CERS3: variants seen among roughly 807,000 people sequenced by gnomAD.
CERS3 encodes LAG1 homolog, ceramide synthase 3.
A neutral mutation model predicts 50.3 loss-of-function variants in CERS3; 33 were observed. The observed-to-expected ratio is 0.66, with a 90% CI of 0.50 to 0.88. The LOEUF (loss-of-function observed/expected upper bound fraction) is 0.88, where lower values mean the gene tolerates loss of function less well. CERS3 is among the 40% of genes least tolerant of loss of function. The pLI is 0.00. For missense variants in CERS3, 470 were observed against 460.3 expected, an observed-to-expected ratio of 1.02 and a Z score of -0.19; for synonymous variants, 176 against 155.2, an observed-to-expected ratio of 1.13 and a Z score of -0.99.
intron 2 of CERS3, among the ~76,000 whole-genome samples, chr15:100,518,636 C>T (rs1443824020): frequency 6.6e-6 from 1 of 152,176 alleles, no homozygotes; most frequent in African/African-American, 2.4e-5. Flanking sequence ...ATCTCTCTGC[C>T]TATTAGTGAA....
intron 2 of CERS3, among the ~76,000 whole-genome samples, chr15:100,512,085 G>T (rs577781395): frequency 1.3e-5 from 2 of 150,880 alleles, no homozygotes; most frequent in African/African-American, 4.9e-5. Context: ...TGGGAGCCTG[G>T]GTTTCCATTA....
At chr15:100,467,837 G>GTATATATATA (rs1224034259) in intron 10 of CERS3, among the ~76,000 whole-genome samples, 7 of 56,386 alleles carry the variant, frequency 1.2e-4, no homozygotes, top group African/African-American at 2.8e-4. Flanking sequence ...ATATATACGT[G>GTATATATATA]TATATATATA....
At chr15:100,543,820 G>A (rs917846891) in intron 1 of CERS3, among the ~76,000 whole-genome samples, 6 of 152,110 alleles carry the variant, frequency 3.9e-5, no homozygotes, top group Admixed American at 6.6e-5. Context: ...GTGTGCCACC[G>A]CACGTGGCTG....
chr15:100,480,151 T>G, intron 5 of CERS3, 105 bp from the exon 6 acceptor site: 1 of 819,748 alleles, frequency 1.2e-6, no homozygotes, highest in Non-Finnish European at 2.0e-6. Flanking sequence ...CATTCTGGAG[T>G]CAGACAAATC....
chr15:100,432,187 C>T (rs907407164), intron 11 of CERS3, among the ~76,000 whole-genome samples: 1 of 152,018 alleles, frequency 6.6e-6, no homozygotes, highest in Non-Finnish European at 1.5e-5. Flanking sequence ...CCTGCCTCAG[C>T]CTCCCAAACA....
At chr15:100,447,077 A>G (rs1357148661) in intron 11 of CERS3, among the ~76,000 whole-genome samples, 1 of 152,344 alleles carries the variant, frequency 6.6e-6, no homozygotes, top group East Asian at 1.9e-4. Context: ...TTGTGGAGCA[A>G]ACCTACATTT....
intron 11 of CERS3, among the ~76,000 whole-genome samples, chr15:100,434,087 T>C (rs1467635398): frequency 6.6e-6 from 1 of 152,228 alleles, no homozygotes; most frequent in African/African-American, 2.4e-5. Flanking sequence ...TCTAGATGAC[T>C]CAGCAGAGTC....
chr15:100,445,049 C>T (rs189536337), intron 11 of CERS3, among the ~76,000 whole-genome samples: 2,551 of 151,816 alleles, frequency 0.017, 32 homozygotes, highest in East Asian at 0.034. Flanking sequence ...CCTCACCAAG[C>T]TCAGCCACCA....
chr15:100,442,815 T>TTTG (rs1567618682), intron 11 of CERS3, among the ~76,000 whole-genome samples: 1 of 152,200 alleles, frequency 6.6e-6, no homozygotes, highest in African/African-American at 2.4e-5. Flanking sequence ...GACGCCGAGC[T>TTTG]GCCAGTAACT....
chr15:100,512,567 G>A lies in CERS3; in HGVS notation c.-2+9100C>T, dbSNP rs527292821. Among the ~76,000 whole-genome samples, 62 of 152,256 alleles carry A rather than the reference G, an allele frequency of 4.1e-4. 1 individual carries two copies. The highest frequency in any genetic ancestry group is 1.2e-3 in the South Asian group (6 of 4,810). On this transcript the variant is annotated intron_variant, in intron 2 of 11. Transcript: ENST00000679737. ...CAAGAGGGTCTGCATGTCAGCCTGT[G>A]GGGAGCCTCTTCCTTGGGTGCTCAA... is the stretch of plus-strand genomic sequence containing the variant.
At chr15:100,437,029 C>T (rs991424999) in intron 11 of CERS3, among the ~76,000 whole-genome samples, 3 of 151,382 alleles carry the variant, frequency 2.0e-5, no homozygotes, top group African/African-American at 7.3e-5. Flanking sequence ...CTGCAAGCTC[C>T]GCCTCCTGGG....
upstream of CERS3, among the ~76,000 whole-genome samples, chr15:100,532,815 G>A (rs2036970427): frequency 6.6e-6 from 1 of 152,144 alleles, no homozygotes; most frequent in Non-Finnish European, 1.5e-5. Flanking sequence ...ACAAGCAAAT[G>A]TCTTCACAAG....
chr15:100,504,583 G>C (rs1404731641), intron 2 of CERS3, among the ~76,000 whole-genome samples: 1 of 152,170 alleles, frequency 6.6e-6, no homozygotes, highest in Non-Finnish European at 1.5e-5. Context: ...CCCTGAGAGG[G>C]AGGAGTGAAT....
chr15:100,523,180 C>G (rs1437992069), intron 1 of CERS3, among the ~76,000 whole-genome samples: 1 of 152,184 alleles, frequency 6.6e-6, no homozygotes, highest in Non-Finnish European at 1.5e-5. Flanking sequence ...GGCGGTCTAT[C>G]TTTCAAAATT....
intron 11 of CERS3, among the ~76,000 whole-genome samples, chr15:100,425,458 T>C (rs189306490): frequency 6.9e-6 from 1 of 145,956 alleles, no homozygotes; most frequent in African/African-American, 2.5e-5. Flanking sequence ...GCAGATTATT[T>C]TGTAGCTATA....
intron 1 of CERS3, among the ~76,000 whole-genome samples, chr15:100,539,097 G>A (rs2037141158): frequency 6.6e-6 from 1 of 152,200 alleles, no homozygotes; most frequent in East Asian, 1.9e-4. Flanking sequence ...AGCATAGCAA[G>A]AGTCAACTTT....
chr15:100,452,160 G>T (rs9972539), intron 11 of CERS3, among the ~76,000 whole-genome samples: 5,472 of 150,728 alleles, frequency 0.036, 343 homozygotes, highest in African/African-American at 0.13. Context: ...TCATCCAATG[G>T]CTATAGAATA....
intron 11 of CERS3, among the ~76,000 whole-genome samples, chr15:100,427,930 T>C (rs2142109721): frequency 6.6e-6 from 1 of 152,198 alleles, no homozygotes; most frequent in Admixed American, 6.5e-5. Context: ...AAAAAAGCAA[T>C]GAGAGAGCCA....
chr15:100,429,297 G>A (rs1236921437), intron 11 of CERS3, among the ~76,000 whole-genome samples: 1 of 152,146 alleles, frequency 6.6e-6, no homozygotes. Context: ...TGGCATACTT[G>A]GGAGGCCGAG....
Sources: gnomAD v4.1 joint callset for allele counts (sites outside exome capture counted in the v4.1 genomes callset) on GRCh38, gnomAD v4.1.1 for gene constraint, MANE v1.5 for transcripts, NCBI Gene and HGNC (gene_info 2026-07-23, HGNC 2026-07-21) for gene names.